The following STOX2 variants were observed in gnomAD, a reference collection of about 807,000 sequenced individuals.
STOX2 encodes storkhead-box protein 2.
In STOX2, 28 loss-of-function variants were observed where a neutral mutation model predicts 60.9. That is an observed-to-expected ratio of 0.46 (90% confidence interval 0.34 to 0.63). STOX2 has a LOEUF of 0.63. Ranked by LOEUF, STOX2 falls within the 30% of genes least tolerant of loss-of-function variation. The probability of loss-of-function intolerance (pLI) is 0.01; values close to 1 mark genes in which losing one functional copy is unlikely to be tolerated. For missense variants in STOX2, 1,024 were observed against 1,187.7 expected (o/e 0.86, Z 2.03); for synonymous variants, 472 against 463.9 (o/e 1.02, Z -0.22).
At chr4:183,891,324 ATATATC>A (rs1741204659) in intron 1 of STOX2, among the ~76,000 whole-genome samples, 1 of 121,162 alleles carries the variant, frequency 8.3e-6, no homozygotes, top group Non-Finnish European at 1.8e-5. Flanking sequence ...GATGGAATAT[ATATATC>A]TATGATGGAA....
At chr4:183,915,450 G>T (rs1310983955) in intron 1 of STOX2, among the ~76,000 whole-genome samples, 1 of 151,622 alleles carries the variant, frequency 6.6e-6, no homozygotes, top group Non-Finnish European at 1.5e-5. Flanking sequence ...TGGCTGCCCA[G>T]TATCTGAACC....
At chr4:183,964,830 C>T (rs998280543) in intron 1 of STOX2, among the ~76,000 whole-genome samples, 17 of 152,114 alleles carry the variant, frequency 1.1e-4, no homozygotes, top group East Asian at 3.9e-4. Flanking sequence ...GTGATTCACC[C>T]GCCTTGGCCT....
At chr4:183,804,835 G>C (rs1030287564) in intron 1 of STOX2, among the ~76,000 whole-genome samples, 1 of 152,214 alleles carries the variant, frequency 6.6e-6, no homozygotes, top group Admixed American at 6.5e-5. Context: ...GTCTTGCTGT[G>C]ATAAATCTGG....
chr4:183,944,872 T>C (rs1179344311), intron 1 of STOX2, among the ~76,000 whole-genome samples: 3 of 152,218 alleles, frequency 2.0e-5, no homozygotes, highest in Non-Finnish European at 2.9e-5. Flanking sequence ...TTTTACTCAT[T>C]CAACAAATTT....
chr4:183,877,569 A>G (rs34515409), intron 1 of STOX2, among the ~76,000 whole-genome samples: 11,649 of 152,304 alleles, frequency 0.076, 666 homozygotes, highest in Non-Finnish European at 0.12. Flanking sequence ...CGTGCTCTGC[A>G]CAGTGGAGTG....
chr4:184,015,322 A>T (rs902297675), intron 3 of STOX2: 11 of 152,164 alleles, frequency 7.2e-5, no homozygotes, highest in African/African-American at 2.7e-4. Context: ...GCCACTGGTG[A>T]GTTTTCCTGG....
intron 1 of STOX2, among the ~76,000 whole-genome samples, chr4:183,915,494 C>T (rs1264900205): frequency 1.3e-5 from 2 of 151,666 alleles, no homozygotes; most frequent in African/African-American, 4.9e-5. Flanking sequence ...CTCATTGTTA[C>T]GCGTCGAATG....
chr4:183,860,206 A>C (rs1740398822), intron 1 of STOX2, among the ~76,000 whole-genome samples: 2 of 152,188 alleles, frequency 1.3e-5, no homozygotes, highest in African/African-American at 2.4e-5. Context: ...TAAGCTTCAC[A>C]AATAGAACAT....
chr4:183,864,049 G>C (rs1024982079), intron 1 of STOX2, among the ~76,000 whole-genome samples: 20 of 152,068 alleles, frequency 1.3e-4, no homozygotes, highest in African/African-American at 4.8e-4. Flanking sequence ...ACACTTTAAA[G>C]TATGTGAATG....
chr4:183,881,597 C>G (rs1418042803), intron 1 of STOX2, among the ~76,000 whole-genome samples: 2 of 152,172 alleles, frequency 1.3e-5, no homozygotes, highest in Non-Finnish European at 2.9e-5. Context: ...GGAATTTCTT[C>G]TGAGAACTAG....
intron 1 of STOX2, among the ~76,000 whole-genome samples, chr4:183,863,581 T>G (rs1326848996): frequency 6.6e-6 from 1 of 152,172 alleles, no homozygotes; most frequent in Non-Finnish European, 1.5e-5. Flanking sequence ...CCCTTTGAAC[T>G]CATAGTGTTT....
intron 1 of STOX2, among the ~76,000 whole-genome samples, chr4:183,850,545 A>G (rs1560844980): frequency 6.6e-6 from 1 of 151,908 alleles, no homozygotes; most frequent in Non-Finnish European, 1.5e-5. Context: ...CCTGACCAAC[A>G]TGGTGAAACC....
chr4:183,819,004 C>G lies in STOX2; in HGVS notation c.364+20949C>G, dbSNP rs925355457. On this transcript the variant is annotated intron_variant, in intron 1 of 2. Transcript: ENST00000513034. The stretch of plus-strand genomic sequence containing the variant: ...AGACGATGGGTGGCCGGGCAGAGAC[C>G]CTCCTCACTTCCTAGATGGGATGGC... Among the ~76,000 whole-genome samples, 155 of 150,928 alleles carry G rather than the reference C, an allele frequency of 1.0e-3. 1 individual carries two copies. Among genetic ancestry groups the G allele is most frequent in the African/African-American group, 3.6e-3 (147 of 41,006 alleles).
chr4:183,932,330 A>AAT (rs375830508), intron 1 of STOX2, among the ~76,000 whole-genome samples: 8 of 51,964 alleles, frequency 1.5e-4, no homozygotes, highest in Non-Finnish European at 2.9e-4. Context: ...ATGTATGTAT[A>AAT]CATACAGTAT....
At position 184,010,302 on chromosome 4, in the gene STOX2, G is replaced by GGA; in HGVS notation, c.1469_1470dup (p.Ser491AspfsTer17). 1 of 1,598,702 alleles carries GGA rather than the reference G, an allele frequency of 6.3e-7. No individual in the cohort carries two copies. Among genetic ancestry groups the GGA allele is most frequent in the Non-Finnish European group, 8.5e-7 (1 of 1,172,652 alleles). On this transcript the variant is annotated frameshift_variant, in exon 3 of 4. Transcript: ENST00000308497. LOFTEE classifies it high-confidence loss of function. This position sits in a 1 kb window ranked among gnomAD's most constrained non-coding sequence, Gnocchi z 4.5. Reference sequence around the variant, plus strand: ...GGAATGAGAGATCCAACAAAGCCAAGGAGAGATCCAGGTCGATGGATAACT... The same window carrying GGA: ...GGAATGAGAGATCCAACAAAGCCAAGGAGAGAGATCCAGGTCGATGGATAACT...
chr4:183,818,812 C>A (rs1326745762), intron 1 of STOX2, among the ~76,000 whole-genome samples: 2 of 151,296 alleles, frequency 1.3e-5, no homozygotes, highest in African/African-American at 4.9e-5. Context: ...GGCGGAGGGG[C>A]TCCTCACCTC....
At chr4:183,949,454 C>T (rs993732279) in intron 1 of STOX2, among the ~76,000 whole-genome samples, 1 of 151,986 alleles carries the variant, frequency 6.6e-6, no homozygotes, top group Non-Finnish European at 1.5e-5. Flanking sequence ...AATCCCAGCA[C>T]TTAGGGAGGC....
intron 1 of STOX2, among the ~76,000 whole-genome samples, chr4:183,862,047 G>T (rs1031643714): frequency 1.1e-4 from 16 of 152,166 alleles, no homozygotes; most frequent in Non-Finnish European, 1.9e-4. Flanking sequence ...GGGTTTCCTA[G>T]ATCCCAGGCT....
chr4:183,820,064 C>A (rs1271861792), intron 1 of STOX2, among the ~76,000 whole-genome samples: 3 of 152,118 alleles, frequency 2.0e-5, no homozygotes, highest in African/African-American at 7.2e-5. Context: ...GCTAGTCACA[C>A]CATTAAAATG....
Sources: gnomAD v4.1 joint callset for allele counts (sites outside exome capture counted in the v4.1 genomes callset) on GRCh38, gnomAD v4.1.1 for gene constraint, Gnocchi (gnomAD v3.1) non-coding constraint, MANE v1.5 for transcripts, NCBI Gene and HGNC (gene_info 2026-07-23, HGNC 2026-07-21) for gene names.